SORCS1: variants seen among roughly 807,000 people sequenced by gnomAD.
SORCS1 encodes sortilin related VPS10 domain containing receptor 1, also known as VPS10 domain-containing receptor SorCS1.
In SORCS1, 60 loss-of-function variants were observed where a neutral mutation model predicts 146.1. The ratio of observed to expected loss-of-function variants is 0.41; its 90% CI spans 0.33 to 0.51. The LOEUF (loss-of-function observed/expected upper bound fraction) is 0.51. SORCS1 is among the 20% of genes least tolerant of loss of function. SORCS1 has a pLI of 0.21. For synonymous variants in SORCS1, 637 were observed against 584.0 expected (o/e 1.09, Z -1.31); for missense variants, 1,352 against 1,487.6 (o/e 0.91, Z 1.50).
rs765864855 is a variant in SORCS1 at position 106,688,335 on chromosome 10, C to T, written c.1417G>A (p.Ala473Thr). ...GNIMIDLYEV[A>T]GIKGMFLANK... ...GCCAAGAACATTCCCTTTATCCCTG[C>T]TACCTGGGAAAAATTGACATGGCTG... The change falls in exon 10 of 26, where the codon GCA (alanine) becomes ACA (threonine). Residue 473 changes from alanine to threonine, a missense_variant. Ala to Thr is a moderately conservative substitution (Grantham distance 58). This residue lies in a region of SORCS1 where 648 missense variants were observed against 793.8 expected (regional missense o/e 0.82). Coordinates refer to ENST00000263054, the MANE Select transcript of SORCS1 (RefSeq NM_052918.5). The T allele has an allele frequency of 1.2e-6, 2 of 1,610,040 alleles. No individual in the cohort carries two copies. The highest frequency in any genetic ancestry group is 1.7e-6 in the Non-Finnish European group (2 of 1,178,758).
chr10:106,782,301 T>C (rs190726209), intron 3 of SORCS1, among the ~76,000 whole-genome samples: 1 of 152,344 alleles, frequency 6.6e-6, no homozygotes, highest in East Asian at 1.9e-4. Context: ...GATCTTGCTC[T>C]GTCGCCCCGG....
chr10:106,582,360 C>T (rs1300416383), intron 24 of SORCS1, among the ~76,000 whole-genome samples: 2 of 152,210 alleles, frequency 1.3e-5, no homozygotes, highest in African/African-American at 4.8e-5. Flanking sequence ...CTCCCCATCT[C>T]TGCATCAGTC....
At chr10:107,030,703 ATCATTTTAAAGGCAGGCC>A (rs1372986209) in intron 1 of SORCS1, among the ~76,000 whole-genome samples, 1 of 152,258 alleles carries the variant, frequency 6.6e-6, no homozygotes, top group Non-Finnish European at 1.5e-5. Flanking sequence ...AATACAAGTC[ATCATTTTAAAGGCAGGCC>A]TCATTTTTAC....
At chr10:106,679,770 T>C in intron 10 of SORCS1, 36 bp from the exon 11 acceptor site, 1 of 1,494,598 alleles carries the variant, frequency 6.7e-7, no homozygotes, top group South Asian at 1.2e-5. Context: ...CAAAATCACA[T>C]AATCAAAATG....
chr10:106,741,533 G>A (rs576630702), intron 5 of SORCS1, among the ~76,000 whole-genome samples: 1 of 152,272 alleles, frequency 6.6e-6, no homozygotes, highest in East Asian at 1.9e-4. Context: ...AGGAAGCAGA[G>A]TTTGCAGTGA....
intron 2 of SORCS1, among the ~76,000 whole-genome samples, chr10:106,837,425 C>G (rs1456999567): frequency 6.6e-6 from 1 of 151,986 alleles, no homozygotes; most frequent in East Asian, 1.9e-4. Context: ...TTCTCAGGAG[C>G]TGGGAAATTA....
At chr10:106,614,816 C>T (rs951261942) in intron 21 of SORCS1, among the ~76,000 whole-genome samples, 5 of 152,098 alleles carry the variant, frequency 3.3e-5, no homozygotes, top group Admixed American at 1.3e-4. Context: ...TGCGTGTGGG[C>T]GGACTGAAAA....
intron 24 of SORCS1, among the ~76,000 whole-genome samples, chr10:106,592,283 G>C (rs1427700027): frequency 1.3e-5 from 2 of 152,168 alleles, no homozygotes; most frequent in Non-Finnish European, 2.9e-5. Context: ...TCAAAATTTA[G>C]CTCAGCTTAG....
At chr10:106,741,686 G>A (rs564725872) in intron 5 of SORCS1, among the ~76,000 whole-genome samples, 31 of 152,170 alleles carry the variant, frequency 2.0e-4, no homozygotes, top group East Asian at 9.7e-4. Flanking sequence ...TCCTGCAAGC[G>A]TTAAGTGTAT....
intron 1 of SORCS1, among the ~76,000 whole-genome samples, chr10:107,068,246 T>C (rs1962079448): frequency 6.6e-6 from 1 of 152,182 alleles, no homozygotes; most frequent in Non-Finnish European, 1.5e-5. Flanking sequence ...AAAGAAAGAC[T>C]TGAAAGATCT....
At chr10:106,868,366 C>T (rs11528202) in intron 2 of SORCS1, among the ~76,000 whole-genome samples, 12 of 152,270 alleles carry the variant, frequency 7.9e-5, no homozygotes, top group East Asian at 3.9e-4. Flanking sequence ...CTCTACAGAA[C>T]TCTCCACCCA....
chr10:106,743,929 C>T (rs1053185609), intron 5 of SORCS1, among the ~76,000 whole-genome samples: 1 of 152,060 alleles, frequency 6.6e-6, no homozygotes, highest in South Asian at 2.1e-4. Flanking sequence ...TTTCAGTGTT[C>T]GTGTAGGCAC....
intron 22 of SORCS1, among the ~76,000 whole-genome samples, chr10:106,611,508 T>C (rs759944143): frequency 3.3e-5 from 5 of 152,230 alleles, no homozygotes; most frequent in Non-Finnish European, 5.9e-5. Flanking sequence ...CTCTTACTAA[T>C]TGTAGTCAGC....
chr10:106,730,060 A>T lies in SORCS1; in HGVS notation c.1014T>A (p.Thr338=). The change falls in exon 6 of 26, where the codon ACT becomes ACA. Residue 338 remains threonine (T), a synonymous_variant. Transcript: ENST00000263054. The part of the protein sequence containing the change: ...EPDLVHLEAR[T]VDGHSHYLTC... ...AGTTGATTTACTTACGACCATCCAC[A>T]GTTCTGGCCTCAAGATGCACAAGGT... 6.2e-7 allele frequency: 1 copy of T among 1,614,132 alleles called. No individual in the cohort carries two copies. The highest frequency in any genetic ancestry group is 8.5e-7 in the Non-Finnish European group (1 of 1,180,002).
At chr10:106,641,117 C>T (rs1490547518) in intron 18 of SORCS1, among the ~76,000 whole-genome samples, 3 of 152,102 alleles carry the variant, frequency 2.0e-5, no homozygotes, top group Non-Finnish European at 4.4e-5. Context: ...CTAAAAGCAG[C>T]AGGAAATGAG....
intron 2 of SORCS1, among the ~76,000 whole-genome samples, chr10:106,928,802 G>A (rs576984289): frequency 1.3e-5 from 2 of 152,094 alleles, no homozygotes; most frequent in African/African-American, 4.8e-5. Context: ...AGGGGAAAAG[G>A]AATTAACAGC....
intron 21 of SORCS1, among the ~76,000 whole-genome samples, chr10:106,613,226 TC>T (rs1373209656): frequency 4.6e-5 from 7 of 152,162 alleles, no homozygotes; most frequent in Non-Finnish European, 1.0e-4. Context: ...AGTTTGGTTC[TC>T]CAGGAAGCAA....
chr10:106,699,629 A>G (rs1853978630), intron 8 of SORCS1, among the ~76,000 whole-genome samples: 1 of 152,192 alleles, frequency 6.6e-6, no homozygotes, highest in Non-Finnish European at 1.5e-5. Flanking sequence ...TGTTTGATAG[A>G]CCAGTTTTAA....
At chr10:107,045,551 C>G (rs1564967161) in intron 1 of SORCS1, among the ~76,000 whole-genome samples, 1 of 152,118 alleles carries the variant, frequency 6.6e-6, no homozygotes, top group Non-Finnish European at 1.5e-5. Flanking sequence ...GTTTTCAATT[C>G]AGCTCATCAC....
Sources: gnomAD v4.1 joint callset for allele counts (sites outside exome capture counted in the v4.1 genomes callset) on GRCh38, gnomAD v4.1.1 for gene constraint, gnomAD v4.1.1 regional missense constraint, MANE v1.5 for transcripts, NCBI Gene and HGNC (gene_info 2026-07-23, HGNC 2026-07-21) for gene names.